Variants in GPC5 observed in about 807,000 individuals in gnomAD.
GPC5 encodes the protein glypican 5.
GPC5 carries 47 observed loss-of-function variants against 53.9 expected under a neutral mutation model. The ratio of observed to expected loss-of-function variants is 0.87; its 90% confidence interval spans 0.69 to 1.11. The LOEUF (loss-of-function observed/expected upper bound fraction) is 1.11. GPC5 is among the 50% of genes most tolerant of loss of function. The pLI is 0.00. For synonymous variants in GPC5, 286 were observed against 263.3 expected (o/e 1.09, Z -0.84); for missense variants, 748 against 713.1 (o/e 1.05, Z -0.56).
At chr13:92,788,134 A>T (rs1876327667) in intron 7 of GPC5, among the ~76,000 whole-genome samples, 1 of 152,166 alleles carries the variant, frequency 6.6e-6, no homozygotes, top group Non-Finnish European at 1.5e-5. Context: ...CCTATTTCAA[A>T]ATGAGATTTA....
At chr13:92,492,966 A>G (rs1190361832) in intron 7 of GPC5, among the ~76,000 whole-genome samples, 1 of 152,184 alleles carries the variant, frequency 6.6e-6, no homozygotes, top group Non-Finnish European at 1.5e-5. Context: ...GGCTGACTTC[A>G]GTATGTCAAA....
At chr13:91,689,029 A>C (rs554443914) in intron 2 of GPC5, among the ~76,000 whole-genome samples, 61 of 150,776 alleles carry the variant, frequency 4.0e-4, no homozygotes, top group Non-Finnish European at 7.1e-4. Flanking sequence ...TTAGCCTGGC[A>C]TGGTGGTCCA....
intron 2 of GPC5, among the ~76,000 whole-genome samples, chr13:91,555,151 G>C (rs1474019658): frequency 6.6e-6 from 1 of 151,912 alleles, no homozygotes; most frequent in Non-Finnish European, 1.5e-5. Flanking sequence ...TCCCCCCAGT[G>C]GTAACATTTT....
At chr13:91,772,762 G>A (rs984294241) in intron 5 of GPC5, among the ~76,000 whole-genome samples, 3 of 152,048 alleles carry the variant, frequency 2.0e-5, no homozygotes, top group Admixed American at 6.6e-5. Context: ...CCAAAGTGTG[G>A]TCCCCAAATT....
In GPC5 at chr13:92,124,248, GAAAAAAAA is replaced by G. The variant is rs34042033; in HGVS notation, c.1402-20564_1402-20557del. On this transcript the variant is annotated intron_variant, in intron 6 of 7. Coordinates refer to ENST00000377067, the MANE Select transcript of GPC5 (RefSeq NM_004466.6). ...CTCCCATCTTAACTCCGGACAGAAT[GAAAAAAAA>G]AAAAAAAAAAAAAAAAACTAGTTCT... Among the ~76,000 whole-genome samples, 11 of 55,000 alleles carry G rather than the reference GAAAAAAAA, an allele frequency of 2.0e-4. No individual in the cohort carries two copies. In the East Asian group the frequency reaches 7.4e-3, roughly 37 times the overall value. 36.1% of individuals were successfully genotyped at this position (55,000 alleles called of 152,430 possible).
At chr13:92,544,279 T>C (rs1566285481) in intron 7 of GPC5, among the ~76,000 whole-genome samples, 1 of 152,106 alleles carries the variant, frequency 6.6e-6, no homozygotes. Context: ...AAACTGTTTC[T>C]GAAGCCTCAT....
chr13:91,828,074 C>A (rs377727613), intron 5 of GPC5, among the ~76,000 whole-genome samples: 1 of 151,868 alleles, frequency 6.6e-6, no homozygotes, highest in East Asian at 1.9e-4. Flanking sequence ...GTAAAATAAG[C>A]CAACATACGA....
chr13:91,410,369 C>T (rs1165948214), intron 1 of GPC5, among the ~76,000 whole-genome samples: 3 of 107,914 alleles, frequency 2.8e-5, no homozygotes, highest in Admixed American at 1.3e-4. Flanking sequence ...TTTTTGAGAC[C>T]AAGTCTCTCT....
Position 92,673,644 on chromosome 13 carries a change from A to G in GPC5, c.1562-192638A>G, listed in dbSNP as rs148893808. Among the ~76,000 whole-genome samples, 37 of 152,296 alleles carry G rather than the reference A, an allele frequency of 2.4e-4. 2 individuals are homozygous for G. In the East Asian group the frequency reaches 6.8e-3, roughly 28 times the overall value. ...CATTTCATTTCACTTTGATGAACCAACAGAAATACCTGATGGAATACAGTG... is the reference window on the plus strand; with the variant it reads ...CATTTCATTTCACTTTGATGAACCAGCAGAAATACCTGATGGAATACAGTG... On this transcript the variant is annotated intron_variant, in intron 7 of 7. Coordinates refer to ENST00000377067, the MANE Select transcript of GPC5 (RefSeq NM_004466.6).
chr13:92,593,282 C>T (rs190917760), intron 7 of GPC5, among the ~76,000 whole-genome samples: 25 of 151,150 alleles, frequency 1.7e-4, no homozygotes, highest in Admixed American at 1.1e-3. Context: ...ATGGTGGAAA[C>T]GTGATTGCAA....
chr13:91,482,229 G>A (rs1883342428), intron 2 of GPC5, among the ~76,000 whole-genome samples: 1 of 151,700 alleles, frequency 6.6e-6, no homozygotes, highest in Admixed American at 6.6e-5. Context: ...GAGTGGATTT[G>A]CTCTCTCTCT....
chr13:92,052,752 T>C (rs2041040815), intron 6 of GPC5, among the ~76,000 whole-genome samples: 1 of 152,134 alleles, frequency 6.6e-6, no homozygotes, highest in Non-Finnish European at 1.5e-5. Flanking sequence ...CACCTCTCAG[T>C]AGGACAGAGA....
chr13:92,576,453 C>T (rs1004976298), intron 7 of GPC5, among the ~76,000 whole-genome samples: 28 of 152,250 alleles, frequency 1.8e-4, no homozygotes, highest in Middle Eastern at 3.4e-3. Flanking sequence ...GTTCCCTGTA[C>T]ATGCATCAAG....
chr13:92,134,381 A>T (rs185160176), intron 6 of GPC5, among the ~76,000 whole-genome samples: 66 of 152,284 alleles, frequency 4.3e-4, no homozygotes, highest in African/African-American at 1.5e-3. Flanking sequence ...GAAGAACTGT[A>T]CATTTGGGGA....
At chr13:92,494,225 G>T (rs1483846352) in intron 7 of GPC5, among the ~76,000 whole-genome samples, 1 of 151,908 alleles carries the variant, frequency 6.6e-6, no homozygotes, top group African/African-American at 2.4e-5. Flanking sequence ...GAGTAGCTGG[G>T]ACTACAGGCG....
intron 7 of GPC5, among the ~76,000 whole-genome samples, chr13:92,757,615 G>T (rs969938934): frequency 6.6e-6 from 1 of 151,984 alleles, no homozygotes; most frequent in African/African-American, 2.4e-5. Flanking sequence ...AATCTACAAT[G>T]AACTTAAACA....
At chr13:92,508,068 A>G (rs1880436851) in intron 7 of GPC5, among the ~76,000 whole-genome samples, 1 of 151,988 alleles carries the variant, frequency 6.6e-6, no homozygotes, top group Non-Finnish European at 1.5e-5. Context: ...GGTTCAAGCA[A>G]TTCCCCTGCC....
intron 7 of GPC5, among the ~76,000 whole-genome samples, chr13:92,328,330 G>C (rs1169139711): frequency 6.6e-6 from 1 of 152,114 alleles, no homozygotes; most frequent in East Asian, 1.9e-4. Flanking sequence ...CAGATAGGGA[G>C]TTCCCAAAAG....
At position 92,268,116 on chromosome 13, in the gene GPC5, T is replaced by TA. The variant is rs34998822; in HGVS notation, c.1561+123137dup. Among the ~76,000 whole-genome samples, 455 of 150,560 alleles carry TA rather than the reference T, an allele frequency of 3.0e-3. 2 individuals carry two copies. The highest frequency in any genetic ancestry group is 4.4e-3 in the Non-Finnish European group (300 of 67,430). ...GATAAGGCACCTTAATTTCAGGACTTAAAAAAAAAATCGCAAATGATTCTT... is the reference window on the plus strand; with the variant it reads ...GATAAGGCACCTTAATTTCAGGACTTAAAAAAAAAAATCGCAAATGATTCTT... On this transcript the variant is annotated intron_variant, in intron 7 of 7. Coordinates refer to ENST00000377067, the MANE Select transcript of GPC5 (RefSeq NM_004466.6).
Sources: allele counts gnomAD v4.1 joint callset (sites outside exome capture counted in the v4.1 genomes callset), GRCh38; gene constraint gnomAD v4.1.1; transcripts MANE v1.5; gene names NCBI Gene and HGNC (gene_info 2026-07-23, HGNC 2026-07-21).